Variants in CANX observed in about 807,000 individuals in gnomAD.
CANX encodes epididymis secretory sperm binding protein.
In CANX, 14 loss-of-function variants were observed where a neutral mutation model predicts 75.7. That is an observed-to-expected ratio of 0.19 (90% confidence interval 0.12 to 0.29). The LOEUF (loss-of-function observed/expected upper bound fraction) is 0.29. Ranked by LOEUF, CANX falls within the 10% of genes least tolerant of loss-of-function variation. CANX has a pLI of 1.00. For missense variants in CANX, 567 were observed against 713.2 expected (o/e 0.79, Z 2.34); for synonymous variants, 227 against 236.9 (o/e 0.96, Z 0.38).
At chr5:179,718,943 G>A (rs1324553103) in intron 8 of CANX, among the ~76,000 whole-genome samples, 4 of 151,862 alleles carry the variant, frequency 2.6e-5, no homozygotes, top group Admixed American at 6.6e-5. Context: ...GGGATTACAG[G>A]TGTGAGCCAC....
chr5:179,725,973 C>A (rs1395849986), intron 13 of CANX, among the ~76,000 whole-genome samples: 3 of 143,024 alleles, frequency 2.1e-5, no homozygotes, highest in Non-Finnish European at 4.5e-5. Context: ...GGCGACAGAG[C>A]GAGACTGAGT....
At chr5:179,680,959 TC>T in intron 1 of CANX, 1 of 1,494,048 alleles carries the variant, frequency 6.7e-7, no homozygotes, top group Non-Finnish European at 9.0e-7. Flanking sequence ...GGAGGATGTT[TC>T]CCCGTTAGTC....
At chr5:179,687,070 C>A (rs1295275137) in intron 1 of CANX, among the ~76,000 whole-genome samples, 2 of 152,070 alleles carry the variant, frequency 1.3e-5, no homozygotes, top group Non-Finnish European at 2.9e-5. Flanking sequence ...AGCCACTGCA[C>A]CCGGCCTGCA....
chr5:179,701,878 T>C (rs544195277), intron 1 of CANX, among the ~76,000 whole-genome samples: 101 of 149,376 alleles, frequency 6.8e-4, no homozygotes, highest in Non-Finnish European at 1.3e-3. Context: ...TAGCTGGGAC[T>C]ACAGGTGCCC....
upstream of CANX, among the ~76,000 whole-genome samples, chr5:179,697,821 G>A (rs1195748964): frequency 6.6e-6 from 1 of 152,132 alleles, no homozygotes. Context: ...CCGGGAGGCG[G>A]AGGTTGTAGT....
intron 7 of CANX, among the ~76,000 whole-genome samples, chr5:179,712,914 A>T (rs1213414717): frequency 1.1e-4 from 15 of 141,600 alleles, no homozygotes; most frequent in African/African-American, 4.0e-4. Context: ...TATTATTATT[A>T]TTTTTTTTTT....
chr5:179,723,192 T>C (rs1049883681), intron 11 of CANX, among the ~76,000 whole-genome samples, 173 bp downstream of exon 11: 1 of 152,190 alleles, frequency 6.6e-6, no homozygotes, highest in Non-Finnish European at 1.5e-5. Context: ...ATTAGTCTAA[T>C]GTAGTGGCTT....
chr5:179,725,634 T>C (rs1030028503), intron 13 of CANX, among the ~76,000 whole-genome samples: 4 of 143,286 alleles, frequency 2.8e-5, no homozygotes, highest in African/African-American at 7.9e-5. Flanking sequence ...TGAGCCGAGA[T>C]TGGGCCACTG....
intron 1 of CANX, among the ~76,000 whole-genome samples, chr5:179,693,091 A>C (rs981686857): frequency 2.1e-5 from 3 of 142,952 alleles, no homozygotes; most frequent in Non-Finnish European, 4.5e-5. Context: ...GGTTGCAGTG[A>C]GCCGAGATCA....
intron 7 of CANX, among the ~76,000 whole-genome samples, chr5:179,714,472 A>G (rs895333752): frequency 2.6e-5 from 4 of 152,316 alleles, no homozygotes; most frequent in East Asian, 1.9e-4. Flanking sequence ...GTATATACAC[A>G]TATACAACTT....
At chr5:179,687,711 T>C (rs1776215625) in intron 1 of CANX, among the ~76,000 whole-genome samples, 1 of 152,042 alleles carries the variant, frequency 6.6e-6, no homozygotes, top group Non-Finnish European at 1.5e-5. Context: ...ATTCATTCTT[T>C]CTCCCTCCAC....
At chr5:179,682,298 C>T (rs1246765192) in intron 1 of CANX, among the ~76,000 whole-genome samples, 5 of 151,666 alleles carry the variant, frequency 3.3e-5, no homozygotes, top group South Asian at 2.1e-4. Context: ...ATATCCAGGC[C>T]GGGCACGGTG....
chr5:179,724,664 C>T lies in CANX; in HGVS notation c.1526C>T (p.Thr509Ile), dbSNP rs773343126. 2 of 1,612,542 alleles carry T rather than the reference C, an allele frequency of 1.2e-6. No homozygotes were observed. Among genetic ancestry groups the T allele is most frequent in the Admixed American group, 3.3e-5 (2 of 59,902 alleles). The change falls in exon 13 of 15, where the codon ACC (threonine) becomes ATC (isoleucine). Residue 509 changes from threonine to isoleucine, a missense_variant. Physicochemically the swap from Thr to Ile is moderately conservative, Grantham distance 89. This residue lies in a region of CANX where 167 missense variants were observed against 179.3 expected (regional missense o/e 0.93). Transcript: ENST00000247461. ...CTTTGGGGAACATTTCAGAAACAGA[C>T]CAGTGGTATGGAGTATAAGAAAACT... Reference protein sequence around the residue: ...ILFCCSGKKQTSGMEYKKTDA... With the variant: ...ILFCCSGKKQISGMEYKKTDA...
chr5:179,689,430 C>G (rs1242040564), intron 1 of CANX, among the ~76,000 whole-genome samples: 1 of 116,610 alleles, frequency 8.6e-6, no homozygotes, highest in Non-Finnish European at 1.7e-5. Context: ...TCTTGTTGCC[C>G]AGGTGGGAGT....
rs926623243 is a variant in CANX, at chr5:179,731,573, G to T, written c.*2929G>T. Among the ~76,000 whole-genome samples, 11 of 151,388 alleles carry T rather than the reference G, an allele frequency of 7.3e-5. 1 individual carries two copies. The highest frequency in any genetic ancestry group is 2.2e-4 in the African/African-American group (9 of 41,266). ...GGATTTGTATTTTTCTGCTGCGTTT[G>T]TATGAAGACATATTTGATTGTTGTT... On this transcript the variant is annotated 3_prime_UTR_variant, in exon 15 of 15. Coordinates refer to ENST00000247461, the MANE Select transcript of CANX (RefSeq NM_001746.4).
chr5:179,713,631 A>G (rs551933306), intron 7 of CANX, among the ~76,000 whole-genome samples: 14 of 152,252 alleles, frequency 9.2e-5, no homozygotes, highest in East Asian at 3.9e-4. Context: ...GAAAAAGTAA[A>G]TGGAGCCAGG....
intron 1 of CANX, among the ~76,000 whole-genome samples, chr5:179,681,585 C>A (rs1018312998): frequency 6.6e-6 from 1 of 152,066 alleles, no homozygotes; most frequent in African/African-American, 2.4e-5. Context: ...CAAGGGAGCC[C>A]GTCTTTTGTA....
chr5:179,698,394 C>T, upstream of CANX: 1 of 1,220,846 alleles, frequency 8.2e-7, no homozygotes. Flanking sequence ...GGAACTGCGG[C>T]GCCGGCTCAC....
At chr5:179,697,833 A>C (rs1422669283), upstream of CANX, among the ~76,000 whole-genome samples, 1 of 152,146 alleles carries the variant, frequency 6.6e-6, no homozygotes, top group African/African-American at 2.4e-5. Context: ...GGTTGTAGTG[A>C]GCTAAGATCG....
Sources: gnomAD v4.1 joint callset for allele counts (sites outside exome capture counted in the v4.1 genomes callset) on GRCh38, gnomAD v4.1.1 for gene constraint, gnomAD v4.1.1 regional missense constraint, MANE v1.5 for transcripts, NCBI Gene and HGNC (gene_info 2026-07-23, HGNC 2026-07-21) for gene names.